The following MPDZ variants were observed in gnomAD, a reference collection of about 807,000 sequenced individuals.
MPDZ encodes the protein multiple PDZ domain crumbs cell polarity complex component.
MPDZ carries 234 observed loss-of-function variants against 239.1 expected under a neutral mutation model. The observed-to-expected ratio is 0.98, with a 90% CI of 0.88 to 1.09. The LOEUF is 1.09. MPDZ is among the 50% of genes least tolerant of loss of function. The pLI, the probability that MPDZ is intolerant of heterozygous loss-of-function variation, is 0.00. For synonymous variants in MPDZ, 1,048 were observed against 881.3 expected, an observed-to-expected ratio of 1.19 and a Z score of -3.35; for missense variants, 3,175 against 2,510.0, an observed-to-expected ratio of 1.26 and a Z score of -5.66.
rs1950935428 is a variant in MPDZ, at chr9:13,165,277, T to C, written c.3255-2482A>G. 3.2e-6 allele frequency: 4 copies of C among 1,259,774 alleles called. No homozygotes were observed. The Admixed American group carries it at 9.1e-5, about 29-fold the overall frequency. 78.0% of individuals were successfully genotyped at this position (1,259,774 alleles called of 1,614,324 possible). A position where few individuals can be genotyped will look rare whatever the true frequency, so the allele number is the denominator to read the frequency against. On this transcript the variant is annotated intron_variant, in intron 22 of 46. Transcript: ENST00000319217. ...CAAAATCTATATCTGGATCTATTCTTGCATTGGGACATTACAAAAGCACAA... is the reference window on the plus strand; with the variant it reads ...CAAAATCTATATCTGGATCTATTCTCGCATTGGGACATTACAAAAGCACAA...
At chr9:13,117,403 C>T (rs1327377133) in intron 39 of MPDZ, among the ~76,000 whole-genome samples, 1 of 151,886 alleles carries the variant, frequency 6.6e-6, no homozygotes, top group Non-Finnish European at 1.5e-5. Flanking sequence ...TGGTGGCAGG[C>T]GCCTGTAGTC....
At chr9:13,247,520 T>A in intron 3 of MPDZ, 115 bp downstream of exon 3, 2 of 1,131,276 alleles carry the variant, frequency 1.8e-6, no homozygotes, top group Non-Finnish European at 2.4e-6. Flanking sequence ...GAGGTTTAAA[T>A]GACTTCATTA....
At chr9:13,137,383 G>A (rs1458599725) in intron 29 of MPDZ, among the ~76,000 whole-genome samples, 1 of 152,162 alleles carries the variant, frequency 6.6e-6, no homozygotes, top group African/African-American at 2.4e-5. Flanking sequence ...AACATACTCA[G>A]CATGAGAAGA....
At chr9:13,123,965 T>C (rs996972517) in intron 35 of MPDZ, among the ~76,000 whole-genome samples, 3 of 152,214 alleles carry the variant, frequency 2.0e-5, no homozygotes, top group Admixed American at 6.5e-5. Flanking sequence ...GAATAGATTA[T>C]GAGAAAAGGG....
intron 12 of MPDZ, among the ~76,000 whole-genome samples, chr9:13,202,199 A>T (rs534082542): frequency 6.6e-6 from 1 of 152,300 alleles, no homozygotes; most frequent in East Asian, 1.9e-4. Context: ...ACTGGAACTA[A>T]AACACTTCCC....
intron 1 of MPDZ, among the ~76,000 whole-genome samples, chr9:13,273,374 G>A (rs1973458050): frequency 6.6e-6 from 1 of 152,126 alleles, no homozygotes; most frequent in South Asian, 2.1e-4. Flanking sequence ...GATATCTTAT[G>A]AACACAGAAG....
intron 24 of MPDZ, among the ~76,000 whole-genome samples, chr9:13,152,893 A>G (rs903957727): frequency 1.3e-5 from 2 of 152,190 alleles, no homozygotes; most frequent in African/African-American, 4.8e-5. Context: ...AGCAGGATGT[A>G]AGAAAGAGTA....
At chr9:13,135,390 C>T (rs1946585058) in intron 31 of MPDZ, 1 of 152,138 alleles carries the variant, frequency 6.6e-6, no homozygotes, top group African/African-American at 2.4e-5. Context: ...GGGTCTTAAA[C>T]ATCTGATGTA....
chr9:13,261,388 C>T (rs1300512674), intron 1 of MPDZ, among the ~76,000 whole-genome samples: 2 of 152,086 alleles, frequency 1.3e-5, no homozygotes, highest in Admixed American at 1.3e-4. Context: ...GCTCTGTTTG[C>T]TCCATTTAAA....
At chr9:13,127,715 G>A (rs1465224548) in intron 32 of MPDZ, among the ~76,000 whole-genome samples, 3 of 152,102 alleles carry the variant, frequency 2.0e-5, no homozygotes, top group Non-Finnish European at 4.4e-5. Context: ...GATTATTAAT[G>A]CCTGATGAGT....
At chr9:13,162,345 A>C (rs2133636426) in intron 23 of MPDZ, among the ~76,000 whole-genome samples, 1 of 152,180 alleles carries the variant, frequency 6.6e-6, no homozygotes. Context: ...AAGTTTGCTA[A>C]TATTAAAAGA....
chr9:13,155,558 A>T (rs1178839224), intron 24 of MPDZ, among the ~76,000 whole-genome samples: 2 of 152,204 alleles, frequency 1.3e-5, no homozygotes, highest in Non-Finnish European at 2.9e-5. Flanking sequence ...GAGAAAAATT[A>T]AGCAAAATGG....
intron 26 of MPDZ, among the ~76,000 whole-genome samples, chr9:13,146,211 TTCACTCTTTACAGTAAACCCA>T (rs1948414697): frequency 6.6e-6 from 1 of 152,020 alleles, no homozygotes; most frequent in South Asian, 2.1e-4. Context: ...AACTACTAGA[TTCACTCTTTACAGTAAACCCA>T]GACCACAGTT....
intron 2 of MPDZ, among the ~76,000 whole-genome samples, 199 bp from the exon 3 acceptor site, chr9:13,248,000 G>A (rs944986721): frequency 1.3e-5 from 2 of 152,126 alleles, no homozygotes; most frequent in African/African-American, 4.8e-5. Context: ...ACTGAGGCGG[G>A]CTGATCACTT....
At chr9:13,150,931 A>G (rs1949082905) in intron 24 of MPDZ, among the ~76,000 whole-genome samples, 1 of 152,092 alleles carries the variant, frequency 6.6e-6, no homozygotes, top group Non-Finnish European at 1.5e-5. Flanking sequence ...CTGATAAGAG[A>G]TTCATAAGCT....
At chr9:13,202,826 T>C (rs941419786) in intron 12 of MPDZ, among the ~76,000 whole-genome samples, 1 of 152,204 alleles carries the variant, frequency 6.6e-6, no homozygotes, top group Non-Finnish European at 1.5e-5. Context: ...CTCTCAATTC[T>C]GTAGGCCCAG....
intron 12 of MPDZ, among the ~76,000 whole-genome samples, chr9:13,196,680 C>T (rs537280042): frequency 2.0e-5 from 3 of 151,860 alleles, no homozygotes; most frequent in Admixed American, 2.0e-4. Context: ...ATATATGTAA[C>T]TCCATATATG....
At chr9:13,231,799 C>T (rs1962563957) in intron 3 of MPDZ, among the ~76,000 whole-genome samples, 1 of 151,670 alleles carries the variant, frequency 6.6e-6, no homozygotes, top group South Asian at 2.1e-4. Flanking sequence ...TTATACTAGA[C>T]AGAAAAGCTA....
intron 23 of MPDZ, among the ~76,000 whole-genome samples, chr9:13,162,138 C>T (rs772306851): frequency 4.6e-5 from 7 of 151,982 alleles, no homozygotes; most frequent in Non-Finnish European, 8.8e-5. Context: ...GTGGCACACA[C>T]CTATAATCCC....
Sources: allele counts gnomAD v4.1 joint callset (sites outside exome capture counted in the v4.1 genomes callset), GRCh38; gene constraint gnomAD v4.1.1; transcripts MANE v1.5; gene names NCBI Gene and HGNC (gene_info 2026-07-23, HGNC 2026-07-21).